EYS: variants seen among roughly 807,000 people sequenced by gnomAD.
The protein encoded by EYS is EGF-like photoreceptor maintenance factor, also known as protein eyes shut homolog.
Under a neutral mutation model 282.1 loss-of-function variants are expected in EYS, and 250 were observed. The observed-to-expected ratio is 0.89, with a 90% CI of 0.80 to 0.98. The LOEUF (loss-of-function observed/expected upper bound fraction) is 0.98, where lower values mean the gene tolerates loss of function less well. Ranked by LOEUF, EYS falls within the 50% of genes least tolerant of loss-of-function variation. The pLI, the probability that EYS is intolerant of heterozygous loss-of-function variation, is 0.00. For synonymous variants in EYS, 1,355 were observed against 1,282.9 expected (o/e 1.06, Z -1.20); for missense variants, 4,016 against 3,709.0 (o/e 1.08, Z -2.15).
chr6:65,328,308 A>C (rs904980634), intron 11 of EYS, among the ~76,000 whole-genome samples: 83 of 151,596 alleles, frequency 5.5e-4, no homozygotes, highest in African/African-American at 1.7e-3. Context: ...AAATTTCTCC[A>C]ATTTACAAAA....
chr6:65,061,673 TTTAAA>T (rs1773577534), intron 12 of EYS, among the ~76,000 whole-genome samples: 1 of 151,832 alleles, frequency 6.6e-6, no homozygotes, highest in South Asian at 2.1e-4. Context: ...CACATATACA[TTTAAA>T]TTAGTTTTCC....
intron 1 of EYS, among the ~76,000 whole-genome samples, chr6:65,698,981 T>C (rs1247798629): frequency 1.3e-5 from 2 of 152,160 alleles, no homozygotes; most frequent in Non-Finnish European, 2.9e-5. Context: ...AGTCAATAAG[T>C]AGAACAAAAT....
intron 30 of EYS, among the ~76,000 whole-genome samples, chr6:64,289,978 C>A (rs973266): frequency 0.63 from 95,037 of 151,762 alleles, 30,495 homozygotes; most frequent in South Asian, 0.71. Flanking sequence ...TAATAATAAT[C>A]AACAATTATC....
chr6:65,632,788 C>T (rs1330426772), intron 2 of EYS, among the ~76,000 whole-genome samples: 2 of 152,120 alleles, frequency 1.3e-5, no homozygotes, highest in Admixed American at 6.5e-5. Context: ...AATTGAAAAA[C>T]TAGAAGATTA....
intron 1 of EYS, among the ~76,000 whole-genome samples, chr6:65,642,122 C>T (rs550585581): frequency 1.4e-4 from 22 of 152,096 alleles, no homozygotes; most frequent in Admixed American, 3.9e-4. Flanking sequence ...GTACTCAATA[C>T]ATATTTGTTG....
At chr6:63,798,950 T>C (rs1770707165) in intron 37 of EYS, among the ~76,000 whole-genome samples, 1 of 140,054 alleles carries the variant, frequency 7.1e-6, no homozygotes, top group South Asian at 2.2e-4. Context: ...AATATATATA[T>C]ATATGTATAT....
intron 2 of EYS, among the ~76,000 whole-genome samples, chr6:65,577,672 T>C (rs1439252444): frequency 6.6e-6 from 1 of 150,468 alleles, no homozygotes; most frequent in African/African-American, 2.4e-5. Flanking sequence ...TAGTAAACCA[T>C]ACATCTGATA....
chr6:64,436,051 C>T, intron 28 of EYS, 123 bp downstream of exon 28: 1 of 440,698 alleles, frequency 2.3e-6, no homozygotes, highest in Admixed American at 4.2e-5. Flanking sequence ...AACATTAATT[C>T]ATACACATGC....
intron 12 of EYS, among the ~76,000 whole-genome samples, chr6:65,161,149 G>T (rs1387133011): frequency 6.6e-6 from 1 of 150,960 alleles, no homozygotes; most frequent in Non-Finnish European, 1.5e-5. Flanking sequence ...GTTGGCTACT[G>T]CTTAACTTTC....
intron 26 of EYS, among the ~76,000 whole-genome samples, chr6:64,497,104 A>G (rs1360786411): frequency 6.6e-6 from 1 of 152,122 alleles, no homozygotes; most frequent in Non-Finnish European, 1.5e-5. Context: ...CAGAAACCAT[A>G]GGAGATGTAG....
intron 26 of EYS, among the ~76,000 whole-genome samples, chr6:64,569,467 C>A (rs1005587585): frequency 1.3e-5 from 2 of 151,880 alleles, no homozygotes; most frequent in African/African-American, 4.8e-5. Flanking sequence ...AGGAGCCGGG[C>A]GTGGTGGCTC....
intron 30 of EYS, among the ~76,000 whole-genome samples, chr6:64,244,085 G>A (rs1766926499): frequency 1.3e-5 from 2 of 152,032 alleles, no homozygotes; most frequent in African/African-American, 4.8e-5. Context: ...ATATTTTTGA[G>A]TACTGATTTC....
intron 2 of EYS, among the ~76,000 whole-genome samples, chr6:65,535,201 T>A (rs1213574880): frequency 6.6e-6 from 1 of 152,150 alleles, no homozygotes; most frequent in African/African-American, 2.4e-5. Context: ...GGAATGCCCA[T>A]GTAGTTCCAG....
chr6:64,511,516 A>G, intron 26 of EYS, among the ~76,000 whole-genome samples: 1 of 151,960 alleles, frequency 6.6e-6, no homozygotes, highest in East Asian at 1.9e-4. Context: ...ATAAATGAAT[A>G]TCCATTATGA....
intron 19 of EYS, among the ~76,000 whole-genome samples, chr6:64,852,967 C>A (rs1010165381): frequency 1.3e-5 from 2 of 152,132 alleles, no homozygotes; most frequent in African/African-American, 4.8e-5. Flanking sequence ...CCTTAGGACA[C>A]TAACCCAGAA....
intron 32 of EYS, among the ~76,000 whole-genome samples, chr6:64,079,366 T>A (rs751812919): frequency 6.6e-6 from 1 of 152,078 alleles, no homozygotes; most frequent in Non-Finnish European, 1.5e-5. Context: ...TTTAATTTAA[T>A]GTTAAAAACT....
intron 28 of EYS, among the ~76,000 whole-genome samples, chr6:64,425,240 T>A (rs1320639581): frequency 6.6e-6 from 1 of 152,120 alleles, no homozygotes; most frequent in African/African-American, 2.4e-5. Context: ...AGTAAGCCAA[T>A]GAAGAACCTT....
chr6:63,893,542 C>T (rs569879997), intron 35 of EYS, among the ~76,000 whole-genome samples: 1 of 152,110 alleles, frequency 6.6e-6, no homozygotes, highest in Admixed American at 6.5e-5. Flanking sequence ...CATATGAGCA[C>T]AGGGAGGGGA....
intron 2 of EYS, among the ~76,000 whole-genome samples, chr6:65,610,976 T>A (rs1765977825): frequency 6.6e-6 from 1 of 152,080 alleles, no homozygotes. Flanking sequence ...AATCATTTTA[T>A]ACGATTACAA....
Sources: gnomAD v4.1 joint callset for allele counts (sites outside exome capture counted in the v4.1 genomes callset) on GRCh38, gnomAD v4.1.1 for gene constraint, MANE v1.5 for transcripts, NCBI Gene and HGNC (gene_info 2026-07-23, HGNC 2026-07-21) for gene names.